The following IMMP2L variants were observed in gnomAD, a reference collection of about 807,000 sequenced individuals.
IMMP2L encodes inner mitochondrial membrane peptidase subunit 2.
Under a neutral mutation model 19.3 loss-of-function variants are expected in IMMP2L, and 18 were observed. The ratio of observed to expected loss-of-function variants is 0.93; its 90% CI spans 0.64 to 1.38. The LOEUF (loss-of-function observed/expected upper bound fraction) is 1.38, where lower values mean the gene tolerates loss of function less well. Among genes scored for constraint, IMMP2L ranks in the 40% most tolerant of loss-of-function variants. IMMP2L has a pLI of 0.00. For synonymous variants in IMMP2L, 76 were observed against 73.0 expected, an observed-to-expected ratio of 1.04 and a Z score of -0.21; for missense variants, 233 against 218.2, an observed-to-expected ratio of 1.07 and a Z score of -0.43.
At chr7:110,718,984 T>C (rs1795402360) in intron 5 of IMMP2L, among the ~76,000 whole-genome samples, 1 of 152,172 alleles carries the variant, frequency 6.6e-6, no homozygotes, top group Non-Finnish European at 1.5e-5. Context: ...CATAATATTC[T>C]AGACATGCAT....
intron 3 of IMMP2L, among the ~76,000 whole-genome samples, chr7:111,018,546 G>A (rs1256790323): frequency 2.0e-5 from 3 of 152,120 alleles, no homozygotes; most frequent in Admixed American, 6.5e-5. Context: ...ACTAACACAT[G>A]TGGCGCTTTG....
At chr7:110,735,855 A>AAAAAG (rs1796599823) in intron 5 of IMMP2L, among the ~76,000 whole-genome samples, 1 of 146,912 alleles carries the variant, frequency 6.8e-6, no homozygotes, top group Admixed American at 6.8e-5. Context: ...TCAAAAAAAA[A>AAAAAG]AAAAAAAAAA....
Position 110,963,531 on chromosome 7 carries a change from T to G in IMMP2L, c.274A>C (p.Arg92=). The G allele has an allele frequency of 6.2e-7, 1 of 1,603,778 alleles. No homozygotes were observed. The highest frequency in any genetic ancestry group is 8.5e-7 in the Non-Finnish European group (1 of 1,172,506). ...ATATCTCCTTCAAGAGCAATCACTC[T>G]CTTAATGATCTTCTGTTCTGGGTTT... ...PKNPEQKIIK[R]VIALEGDIVR... is the part of the protein sequence containing the mutation. Residue 92 remains arginine (R), a synonymous_variant, in exon 4 of 6, where the codon AGA becomes CGA. Coordinates refer to ENST00000405709, the MANE Select transcript of IMMP2L (RefSeq NM_032549.4).
chr7:111,489,109 T>C (rs1055105164), intron 2 of IMMP2L, among the ~76,000 whole-genome samples: 1 of 141,008 alleles, frequency 7.1e-6, no homozygotes, highest in Admixed American at 7.2e-5. Context: ...AGTGGCATCA[T>C]CTCCGCTCAC....
intron 3 of IMMP2L, among the ~76,000 whole-genome samples, chr7:111,104,611 C>G (rs1586292243): frequency 6.6e-6 from 1 of 151,606 alleles, no homozygotes; most frequent in Non-Finnish European, 1.5e-5. Flanking sequence ...ATCATTAATC[C>G]CCCTATCTAG....
intron 3 of IMMP2L, among the ~76,000 whole-genome samples, chr7:111,276,564 C>T (rs1243294782): frequency 6.6e-6 from 1 of 151,038 alleles, no homozygotes; most frequent in Non-Finnish European, 1.5e-5. Context: ...AGCTGTGATC[C>T]CATCTGATCC....
chr7:111,510,753 T>C (rs901581425), intron 2 of IMMP2L, among the ~76,000 whole-genome samples: 3 of 152,154 alleles, frequency 2.0e-5, no homozygotes, highest in African/African-American at 7.2e-5. Context: ...TTGCCTTGCC[T>C]GCACAGAAAC....
At chr7:111,186,316 G>T (rs755421071) in intron 3 of IMMP2L, among the ~76,000 whole-genome samples, 20 of 152,114 alleles carry the variant, frequency 1.3e-4, no homozygotes, top group Non-Finnish European at 2.9e-5. Flanking sequence ...ATAGCCATGG[G>T]ACTATTCATG....
chr7:111,203,586 T>TC lies in IMMP2L; in HGVS notation c.240-240022dup, dbSNP rs1554394235. Among the ~76,000 whole-genome samples, 9 of 147,872 alleles carry TC rather than the reference T, an allele frequency of 6.1e-5. 1 individual carries two copies. The highest frequency in any genetic ancestry group is 1.1e-4 in the Non-Finnish European group (7 of 66,464). ...TACTGGTTCTTTTTTTTTTTTTTTT[T>TC]CAATTAAAACTGAAGGACCAAAGAA... On this transcript the variant is annotated intron_variant, in intron 3 of 5. Transcript: ENST00000405709.
chr7:110,677,282 T>C (rs1339038052), intron 5 of IMMP2L, among the ~76,000 whole-genome samples: 4 of 152,138 alleles, frequency 2.6e-5, no homozygotes, highest in Non-Finnish European at 4.4e-5. Flanking sequence ...AAATATCACA[T>C]GGAAAAATGA....
At chr7:111,261,280 C>G (rs1040743638) in intron 3 of IMMP2L, among the ~76,000 whole-genome samples, 2 of 152,080 alleles carry the variant, frequency 1.3e-5, no homozygotes, top group African/African-American at 4.8e-5. Context: ...TATTCACCAA[C>G]ACCTCCCCAC....
intron 3 of IMMP2L, among the ~76,000 whole-genome samples, chr7:111,019,577 G>A (rs1256907309): frequency 6.6e-6 from 1 of 152,108 alleles, no homozygotes. Context: ...AAAGGATTTA[G>A]CCTCCTCTTA....
At position 111,382,701 on chromosome 7, in the gene IMMP2L, AC is replaced by A. The variant is rs376833008; in HGVS notation, c.239+104536del. Among the ~76,000 whole-genome samples the A allele has an allele frequency of 2.2e-3, 341 of 152,202 alleles. 3 individuals are homozygous for A. Among genetic ancestry groups the A allele is most frequent in the African/African-American group, 7.8e-3 (323 of 41,556 alleles). On this transcript the variant is annotated intron_variant, in intron 3 of 5. Transcript: ENST00000405709. ...AACTAATGGAGCAAGAGCCTGAGGA[AC>A]TGGGAGAGAAGACCTAGAACACAGA...
chr7:110,835,449 G>A (rs1804358982), intron 5 of IMMP2L, among the ~76,000 whole-genome samples: 1 of 152,106 alleles, frequency 6.6e-6, no homozygotes, highest in African/African-American at 2.4e-5. Flanking sequence ...CTGCCAAGAA[G>A]GTCTCTGGCT....
intron 5 of IMMP2L, among the ~76,000 whole-genome samples, chr7:110,841,295 G>T (rs950980886): frequency 9.2e-5 from 14 of 151,736 alleles, no homozygotes; most frequent in Non-Finnish European, 1.6e-4. Flanking sequence ...TTTAAAAATA[G>T]AACCTTTACT....
chr7:110,823,832 C>G (rs932607381), intron 5 of IMMP2L, among the ~76,000 whole-genome samples: 7 of 152,064 alleles, frequency 4.6e-5, no homozygotes, highest in Non-Finnish European at 7.4e-5. Flanking sequence ...TGGTAAAGAA[C>G]TACTCTCAAA....
intron 3 of IMMP2L, among the ~76,000 whole-genome samples, chr7:111,150,700 A>C (rs1042870686): frequency 6.6e-6 from 1 of 152,206 alleles, no homozygotes; most frequent in East Asian, 1.9e-4. Context: ...TAAATATGTA[A>C]GTGTGTCTAC....
intron 3 of IMMP2L, among the ~76,000 whole-genome samples, chr7:111,298,913 A>G (rs571289710): frequency 2.0e-5 from 3 of 152,270 alleles, no homozygotes; most frequent in African/African-American, 7.2e-5. Context: ...AAAGTAATAA[A>G]CTAAAATAAA....
chr7:111,427,164 G>A (rs1321263157), intron 3 of IMMP2L, among the ~76,000 whole-genome samples: 1 of 151,550 alleles, frequency 6.6e-6, no homozygotes, highest in Non-Finnish European at 1.5e-5. Flanking sequence ...TCTGTTAGTG[G>A]CTGAGGATAG....
Sources: allele counts gnomAD v4.1 joint callset (sites outside exome capture counted in the v4.1 genomes callset), GRCh38; gene constraint gnomAD v4.1.1; transcripts MANE v1.5; gene names NCBI Gene and HGNC (gene_info 2026-07-23, HGNC 2026-07-21).